IL18RAP: variants seen among roughly 807,000 people sequenced by gnomAD.
IL18RAP encodes the protein interleukin 18 receptor accessory protein.
Under a neutral mutation model 58.1 loss-of-function variants are expected in IL18RAP, and 37 were observed. That is an observed-to-expected ratio of 0.64 (90% CI 0.49 to 0.84). The LOEUF (loss-of-function observed/expected upper bound fraction) is 0.84, where lower values mean the gene tolerates loss of function less well. Ranked by LOEUF, IL18RAP falls within the 40% of genes least tolerant of loss-of-function variation. The pLI is 0.00. For missense variants in IL18RAP, 667 were observed against 704.8 expected (o/e 0.95, Z 0.61); for synonymous variants, 268 against 257.5 (o/e 1.04, Z -0.39).
At chr2:102,420,867 T>C (rs1681533374), upstream of IL18RAP, among the ~76,000 whole-genome samples, 1 of 152,234 alleles carries the variant, frequency 6.6e-6, no homozygotes, top group African/African-American at 2.4e-5. Flanking sequence ...TAGATTGCTA[T>C]GTGTTTGTTC....
intron 3 of IL18RAP, chr2:102,434,161 A>G (rs992010904): frequency 1.3e-5 from 2 of 152,190 alleles, no homozygotes; most frequent in African/African-American, 4.8e-5. Flanking sequence ...CAAAACAATC[A>G]TCTGTATGCT....
rs376771057 is a variant in IL18RAP, at chr2:102,438,155, G to A, written c.730+793G>A. Among the ~76,000 whole-genome samples, 52 of 152,276 alleles carry A rather than the reference G, an allele frequency of 3.4e-4. No homozygotes were observed. The East Asian group carries it at 8.1e-3, about 24-fold the overall frequency. Reference sequence around the variant, plus strand: ...ATTGGCTTTCTTCCGCAACTTGTCTGTTTTTGTCCTAACCTTTCCCTTGGG... The same window carrying A: ...ATTGGCTTTCTTCCGCAACTTGTCTATTTTTGTCCTAACCTTTCCCTTGGG... On this transcript the variant is annotated intron_variant, in intron 4 of 9. Transcript: ENST00000687160.
At chr2:102,438,883 A>G (rs893836713) in intron 4 of IL18RAP, 2 of 152,314 alleles carry the variant, frequency 1.3e-5, no homozygotes, top group African/African-American at 4.8e-5. Flanking sequence ...ACAGTGCAGC[A>G]AGAGAAAGGA....
chr2:102,428,834 G>T (rs866352639), intron 3 of IL18RAP, among the ~76,000 whole-genome samples: 1 of 151,740 alleles, frequency 6.6e-6, no homozygotes, highest in African/African-American at 2.4e-5. Context: ...TATAGCTATG[G>T]GTTTGTCATA....
chr2:102,441,918 A>G (rs1053614641), intron 5 of IL18RAP, among the ~76,000 whole-genome samples: 4 of 152,094 alleles, frequency 2.6e-5, no homozygotes, highest in African/African-American at 9.7e-5. Context: ...CTGAGAAATA[A>G]TGGGACAATG....
At chr2:102,423,573 G>A (rs769925625) in intron 1 of IL18RAP, among the ~76,000 whole-genome samples, 3 of 152,136 alleles carry the variant, frequency 2.0e-5, no homozygotes, top group East Asian at 1.9e-4. Flanking sequence ...ATCAGCTGAC[G>A]AGGGATGAGC....
chr2:102,427,980 CT>C (rs60743144), intron 3 of IL18RAP, among the ~76,000 whole-genome samples: 73,549 of 141,512 alleles, frequency 0.52, 18,992 homozygotes, highest in Non-Finnish European at 0.58. Flanking sequence ...TTCTTGGCAT[CT>C]TTTTTTTTTT....
rs1208411403 is a variant in IL18RAP, at chr2:102,450,847, G to C, written c.1211-1G>C. On this transcript the variant is annotated splice_acceptor_variant, in intron 8 of 9. Transcript: ENST00000687160. LOFTEE classifies it high-confidence loss of function. ...TTTTTATAAATTTTCCTATTCTTCA[G>C]ATAAAAAGGATTTTGATGCTTTCGT... 6 of 1,573,116 alleles carry C rather than the reference G, an allele frequency of 3.8e-6. No individual in the cohort carries two copies. Among genetic ancestry groups the C allele is most frequent in the Non-Finnish European group, 5.2e-6 (6 of 1,163,730 alleles).
upstream of IL18RAP, chr2:102,419,689 T>C (rs1056465325): frequency 3.9e-5 from 6 of 152,346 alleles, no homozygotes; most frequent in Non-Finnish European, 7.3e-5. Context: ...CTCCCAGCGC[T>C]GTTGGGCTCT....
chr2:102,428,433 T>C (rs1682113785), intron 3 of IL18RAP, among the ~76,000 whole-genome samples: 1 of 151,586 alleles, frequency 6.6e-6, no homozygotes, highest in African/African-American at 2.4e-5. Flanking sequence ...CTTGGTTAAA[T>C]TTATACCCAA....
intron 3 of IL18RAP, chr2:102,432,376 C>T (rs140293617): frequency 6.5e-6 from 1 of 154,158 alleles, no homozygotes; most frequent in Non-Finnish European, 1.5e-5. Context: ...CAGAGCAATA[C>T]CCTTGTGTCT....
chr2:102,422,436 C>T (rs1028497939), upstream of IL18RAP, among the ~76,000 whole-genome samples: 2 of 152,210 alleles, frequency 1.3e-5, no homozygotes, highest in Non-Finnish European at 2.9e-5. Context: ...AGGCTTGTTA[C>T]AGATGCCCCA....
chr2:102,447,953 C>G lies in IL18RAP; in HGVS notation c.1210+746C>G, dbSNP rs761664276. 3.3e-5 allele frequency among the ~76,000 whole-genome samples: 5 copies of G among 152,032 alleles called. No homozygotes were observed. In the South Asian group the frequency reaches 6.2e-4, roughly 19 times the overall value. Reference sequence around the variant, plus strand: ...TTCACCATGTTGGCCAGGCTGGTCTCGAACTCCTGACCTCAAGTGATCCGT... The same window carrying G: ...TTCACCATGTTGGCCAGGCTGGTCTGGAACTCCTGACCTCAAGTGATCCGT... On this transcript the variant is annotated intron_variant, in intron 8 of 9. Transcript: ENST00000687160.
chr2:102,446,999 G>A, intron 7 of IL18RAP, 71 bp from the exon 8 acceptor site: 4 of 1,502,574 alleles, frequency 2.7e-6, no homozygotes, highest in East Asian at 2.3e-5. Flanking sequence ...GGGCCATAGC[G>A]CCGGCCTGAA....
upstream of IL18RAP, among the ~76,000 whole-genome samples, chr2:102,420,902 T>C (rs183808136): frequency 5.3e-5 from 8 of 152,328 alleles, no homozygotes; most frequent in East Asian, 1.5e-3. Flanking sequence ...GTGTTTATCA[T>C]TTTTTCAGAA....
At position 102,451,978 on chromosome 2, in the gene IL18RAP, G is replaced by A. The variant is rs1206192418; in HGVS notation, c.1597G>A (p.Val533Ile). 7 of 1,613,990 alleles carry A rather than the reference G, an allele frequency of 4.3e-6. No individual in the cohort carries two copies. The highest frequency in any genetic ancestry group is 2.7e-5 in the African/African-American group (2 of 74,888). ...LPHLVKKALRVLPTVTWRGLK... is the reference protein window; with the variant it reads ...LPHLVKKALRILPTVTWRGLK... ...TCATCTCGTGAAAAAAGCTCTCAGG[G>A]TTTTGCCCACAGTTACTTGGAGAGG... is the stretch of plus-strand genomic sequence containing the variant. Residue 533 changes from valine (V) to isoleucine (I), a missense_variant, in exon 10 of 10, where the codon GTT becomes ATT. Coordinates refer to ENST00000687160, the MANE Select transcript of IL18RAP (RefSeq NM_001393487.1).
At chr2:102,443,941 C>T (rs1463166322) in intron 6 of IL18RAP, among the ~76,000 whole-genome samples, 1 of 152,044 alleles carries the variant, frequency 6.6e-6, no homozygotes, top group Non-Finnish European at 1.5e-5. Context: ...ATATTTTGGC[C>T]AGTAGAAAAC....
Position 102,426,431 on chromosome 2 carries a change from A to T in IL18RAP, c.579+2017A>T, listed in dbSNP as rs368124191. Among the ~76,000 whole-genome samples the T allele has an allele frequency of 1.1e-4, 16 of 151,982 alleles. No homozygotes were observed. The South Asian group carries it at 2.1e-3, about 20-fold the overall frequency. On this transcript the variant is annotated intron_variant, in intron 3 of 9. Transcript: ENST00000687160. ...AAGAACAGGCTTGCAGATTGTTTAA[A>T]TTTTTTTCAACTTCTTTATTTTAAA...
intron 5 of IL18RAP, among the ~76,000 whole-genome samples, chr2:102,442,968 A>C (rs962580287): frequency 6.6e-6 from 1 of 152,210 alleles, no homozygotes; most frequent in Non-Finnish European, 1.5e-5. Context: ...CATTTTAAGA[A>C]CATATAGTCA....
Sources: allele counts gnomAD v4.1 joint callset (sites outside exome capture counted in the v4.1 genomes callset), GRCh38; gene constraint gnomAD v4.1.1; transcripts MANE v1.5; gene names NCBI Gene and HGNC (gene_info 2026-07-23, HGNC 2026-07-21).